SH3PXD2A: variants seen among roughly 807,000 people sequenced by gnomAD.
SH3PXD2A encodes SH3 and PX domains 2A.
A neutral mutation model predicts 115.2 loss-of-function variants in SH3PXD2A; 32 were observed. The observed-to-expected ratio is 0.28, with a 90% CI of 0.21 to 0.37. The LOEUF is 0.37. Ranked by LOEUF, SH3PXD2A falls within the 10% of genes least tolerant of loss-of-function variation. The pLI is 1.00. For synonymous variants in SH3PXD2A, 610 were observed against 629.1 expected (o/e 0.97, Z 0.45); for missense variants, 1,328 against 1,498.7 (o/e 0.89, Z 1.88).
At chr10:103,845,326 A>G (rs1842833367) in intron 1 of SH3PXD2A, among the ~76,000 whole-genome samples, 1 of 64,028 alleles carries the variant, frequency 1.6e-5, no homozygotes. Context: ...GCGAGACTTC[A>G]TCTCAAAAAA....
chr10:103,761,587 A>G (rs2038700193), intron 3 of SH3PXD2A, among the ~76,000 whole-genome samples: 1 of 152,162 alleles, frequency 6.6e-6, no homozygotes, highest in African/African-American at 2.4e-5. Flanking sequence ...TACCTCGGCC[A>G]CTCAATGGAA....
intron 8 of SH3PXD2A, among the ~76,000 whole-genome samples, chr10:103,638,936 G>A (rs1484533566): frequency 6.6e-6 from 1 of 152,196 alleles, no homozygotes; most frequent in Non-Finnish European, 1.5e-5. Flanking sequence ...GACCTCAGAA[G>A]GTCTCTACTG....
At chr10:103,650,508 G>C (rs986704070) in intron 8 of SH3PXD2A, among the ~76,000 whole-genome samples, 1 of 152,182 alleles carries the variant, frequency 6.6e-6, no homozygotes, top group African/African-American at 2.4e-5. Flanking sequence ...ACTGTGGCTG[G>C]ATCACACCTG....
At chr10:103,849,367 A>G (rs1268207639) in intron 1 of SH3PXD2A, among the ~76,000 whole-genome samples, 1 of 152,242 alleles carries the variant, frequency 6.6e-6, no homozygotes, top group African/African-American at 2.4e-5. Flanking sequence ...GTTCAAGTAA[A>G]ATCGCCTCTA....
In SH3PXD2A at chr10:103,617,259, G is replaced by A; in HGVS notation, c.858C>T (p.Gly286=). Residue 286 remains glycine (G), a synonymous_variant, in exon 11 of 15, where the codon GGC becomes GGT. Coordinates refer to ENST00000369774, the MANE Select transcript of SH3PXD2A (RefSeq NM_001394015.1). ...CCTCCACTGTGACGCCCTTCTCAAA[G>A]CCAATCTCGTCCTTGCTTTGGCTGG... is the stretch of plus-strand genomic sequence containing the variant. The part of the protein sequence containing the change: ...PYTSQSKDEI[G]FEKGVTVEVI... The A allele has an allele frequency of 2.5e-6, 4 of 1,614,210 alleles. No homozygotes were observed. The highest frequency in any genetic ancestry group is 2.5e-6 in the Non-Finnish European group (3 of 1,180,006).
intron 5 of SH3PXD2A, among the ~76,000 whole-genome samples, chr10:103,719,843 C>T (rs2038159472): frequency 6.6e-6 from 1 of 151,722 alleles, no homozygotes; most frequent in Non-Finnish European, 1.5e-5. Flanking sequence ...TCTCAGCCTC[C>T]CAAGTAGCTG....
intron 1 of SH3PXD2A, among the ~76,000 whole-genome samples, chr10:103,854,255 G>C (rs1842920508): frequency 6.6e-6 from 1 of 152,194 alleles, no homozygotes. Flanking sequence ...CACTGGAACT[G>C]CTCCTCTAAA....
chr10:103,638,338 A>G (rs1331233015), intron 8 of SH3PXD2A, among the ~76,000 whole-genome samples: 1 of 152,066 alleles, frequency 6.6e-6, no homozygotes, highest in Admixed American at 6.5e-5. Context: ...GGCTGCTGCC[A>G]CCTTCCCACT....
At chr10:103,841,910 G>T (rs1589480391) in intron 1 of SH3PXD2A, among the ~76,000 whole-genome samples, 1 of 152,106 alleles carries the variant, frequency 6.6e-6, no homozygotes, top group African/African-American at 2.4e-5. Context: ...GGATCACGAG[G>T]TCAGGAGATC....
At chr10:103,851,702 C>T (rs531378751) in intron 1 of SH3PXD2A, among the ~76,000 whole-genome samples, 30 of 152,282 alleles carry the variant, frequency 2.0e-4, no homozygotes, top group African/African-American at 5.3e-4. Flanking sequence ...AGGAATCACA[C>T]GAAAACACGA....
chr10:103,780,237 A>G (rs1254752186), intron 2 of SH3PXD2A, among the ~76,000 whole-genome samples: 1 of 152,190 alleles, frequency 6.6e-6, no homozygotes, highest in Admixed American at 6.5e-5. Flanking sequence ...CTTCCTGGAA[A>G]GGGAAGCCAA....
At chr10:103,708,813 G>C (rs1157554471) in intron 5 of SH3PXD2A, among the ~76,000 whole-genome samples, 1 of 152,114 alleles carries the variant, frequency 6.6e-6, no homozygotes. Flanking sequence ...AGATCCTCGT[G>C]GCTGCCAGGA....
At chr10:103,751,089 G>A (rs1292883136) in intron 3 of SH3PXD2A, among the ~76,000 whole-genome samples, 1 of 152,222 alleles carries the variant, frequency 6.6e-6, no homozygotes, top group Non-Finnish European at 1.5e-5. Context: ...GATGAATGAG[G>A]ATAATAAGGG....
rs11191794 is a variant in SH3PXD2A at position 103,756,763 on chromosome 10, C to T, written c.229+10331G>A. On this transcript the variant is annotated intron_variant, in intron 3 of 14. Coordinates refer to ENST00000369774, the MANE Select transcript of SH3PXD2A (RefSeq NM_001394015.1). The surrounding 1 kb of genome is among the most constrained non-coding windows in gnomAD (Gnocchi z 4.4). ...CACCCCACCACCTCCAATCCATCAG[C>T]ATGGCCTCTTGGCTGTCCTTCTAAG... is the stretch of plus-strand genomic sequence containing the variant. 0.29 allele frequency among the ~76,000 whole-genome samples: 43,899 copies of T among 151,958 alleles called. 6,452 individuals are homozygous for T. The highest frequency in any genetic ancestry group is 0.33 in the Middle Eastern group (96 of 292).
At chr10:103,810,397 G>A (rs1007777158) in intron 1 of SH3PXD2A, among the ~76,000 whole-genome samples, 7 of 152,296 alleles carry the variant, frequency 4.6e-5, no homozygotes, top group African/African-American at 4.8e-5. Flanking sequence ...GACAAATCAC[G>A]GAGGGACAGT....
chr10:103,656,743 C>T (rs949677256), intron 8 of SH3PXD2A, among the ~76,000 whole-genome samples: 5 of 150,744 alleles, frequency 3.3e-5, no homozygotes, highest in African/African-American at 7.3e-5. Flanking sequence ...GCAGGAGAAT[C>T]GCTTGACCCA....
intron 1 of SH3PXD2A, among the ~76,000 whole-genome samples, chr10:103,801,642 A>C (rs2039149067): frequency 6.6e-6 from 1 of 151,964 alleles, no homozygotes; most frequent in Non-Finnish European, 1.5e-5. Flanking sequence ...GAGTGGTTTT[A>C]ATTTCCTTCT....
chr10:103,594,662 TAA>T lies in SH3PXD2A; in HGVS notation c.*7152_*7153del, dbSNP rs2036109421. The T allele has an allele frequency of 6.6e-6, 1 of 152,238 alleles. No individual in the cohort carries two copies. Among genetic ancestry groups the T allele is most frequent in the Non-Finnish European group, 1.5e-5 (1 of 68,044 alleles). The allele number at this position is 152,238 out of a possible 1,614,324, so 9.4% of individuals were successfully genotyped here. A position where few individuals can be genotyped will look rare whatever the true frequency, so the allele number is the denominator to read the frequency against. On this transcript the variant is annotated 3_prime_UTR_variant, in exon 15 of 15. Transcript: ENST00000369774. Reference sequence around the variant, plus strand: ...GGATTTAAAGAAAACCTGTTGCAGATAATGAGTTGTAAATTCAAGGAGGGTGG... The same window carrying T: ...GGATTTAAAGAAAACCTGTTGCAGATTGAGTTGTAAATTCAAGGAGGGTGG...
intron 6 of SH3PXD2A, chr10:103,678,016 C>G: frequency 1.2e-6 from 1 of 828,194 alleles, no homozygotes; most frequent in Non-Finnish European, 1.8e-6. Context: ...TGCAGAACAC[C>G]CTGAAGGGCG....
Sources: allele counts gnomAD v4.1 joint callset (sites outside exome capture counted in the v4.1 genomes callset), GRCh38; gene constraint gnomAD v4.1.1; non-coding constraint Gnocchi (gnomAD v3.1); transcripts MANE v1.5; gene names NCBI Gene and HGNC (gene_info 2026-07-23, HGNC 2026-07-21).